Variants in PLOD1 observed in about 807,000 individuals in gnomAD.
The protein encoded by PLOD1 is procollagen-lysine,2-oxoglutarate 5-dioxygenase 1.
A neutral mutation model predicts 94.7 loss-of-function variants in PLOD1; 70 were observed. The observed-to-expected ratio is 0.74, with a 90% CI of 0.61 to 0.90. The LOEUF (loss-of-function observed/expected upper bound fraction) is 0.90. Ranked by LOEUF, PLOD1 falls within the 40% of genes least tolerant of loss-of-function variation. The pLI, the probability that PLOD1 is intolerant of heterozygous loss-of-function variation, is 0.00. For synonymous variants in PLOD1, 417 were observed against 400.2 expected (o/e 1.04, Z -0.50); for missense variants, 905 against 972.7 (o/e 0.93, Z 0.93).
intron 1 of PLOD1, among the ~76,000 whole-genome samples, chr1:11,942,329 C>T (rs1189391988): frequency 2.6e-5 from 4 of 152,156 alleles, no homozygotes; most frequent in African/African-American, 9.7e-5. Flanking sequence ...TACAGTGTGT[C>T]TTGGTCATGC....
intron 14 of PLOD1, 46 bp from the exon 15 acceptor site, chr1:11,966,205 G>T: frequency 7.0e-7 from 1 of 1,430,570 alleles, no homozygotes; most frequent in Non-Finnish European, 9.8e-7. Context: ...ATCCCTGGCA[G>T]TTGAGCCAAT....
chr1:11,942,127 C>G (rs1173400277), intron 1 of PLOD1, among the ~76,000 whole-genome samples: 3 of 151,304 alleles, frequency 2.0e-5, no homozygotes, highest in African/African-American at 7.3e-5. Flanking sequence ...GGACTACAGG[C>G]TCTTGCCACC....
At chr1:11,967,299 C>A (rs2100761074) in intron 16 of PLOD1, among the ~76,000 whole-genome samples, 2 of 152,192 alleles carry the variant, frequency 1.3e-5, no homozygotes, top group Middle Eastern at 6.8e-3. Context: ...GCTGTTGCCA[C>A]CGTGTGGCTT....
intron 1 of PLOD1, 135 bp from the exon 2 acceptor site, chr1:11,947,841 T>C (rs1345678459): frequency 2.2e-5 from 15 of 694,322 alleles, no homozygotes; most frequent in African/African-American, 2.1e-4. Context: ...CTTTCTTCCC[T>C]GGGCCCTGTT....
At chr1:11,956,562 T>A (rs1244450214) in intron 6 of PLOD1, among the ~76,000 whole-genome samples, 1 of 152,108 alleles carries the variant, frequency 6.6e-6, no homozygotes, top group Non-Finnish European at 1.5e-5. Context: ...AGACCCTTTC[T>A]CTTGGGGCTT....
Position 11,968,655 on chromosome 1 carries a change from A to C in PLOD1, c.1755+1564A>C, listed in dbSNP as rs373118089. ...CAGCCTCCCGAGTAGCTGGGATTAC[A>C]GGCGCCTGCCACCATGCCCGACTAA... On this transcript the variant is annotated intron_variant, in intron 16 of 18. Coordinates refer to ENST00000196061, the MANE Select transcript of PLOD1 (RefSeq NM_000302.4). Among the ~76,000 whole-genome samples the C allele has an allele frequency of 2.2e-4, 34 of 151,290 alleles. 1 individual carries two copies. Among genetic ancestry groups the C allele is most frequent in the Admixed American group, 9.9e-4 (15 of 15,114 alleles).
intron 13 of PLOD1, among the ~76,000 whole-genome samples, 183 bp downstream of exon 13, chr1:11,964,968 GGGCT>G (rs1443158160): frequency 6.6e-6 from 1 of 152,192 alleles, no homozygotes; most frequent in Non-Finnish European, 1.5e-5. Context: ...TCGGGCACGA[GGGCT>G]GGTCCTCAGG....
chr1:11,954,449 G>A, intron 5 of PLOD1: 1 of 472,984 alleles, frequency 2.1e-6, no homozygotes, highest in Non-Finnish European at 4.4e-6. Context: ...TCGTGCCATT[G>A]CACTCCAGCC....
rs1434924385 is a variant in PLOD1, at chr1:11,972,994, C to T, written c.2025C>T (p.Tyr675=). 29 of 1,613,736 alleles carry T rather than the reference C, an allele frequency of 1.8e-5. No homozygotes were observed. The highest frequency in any genetic ancestry group is 4.4e-5 in the South Asian group (4 of 91,086). ...NIALNRVGVD[Y]EGGGCRFLRY... is the part of the protein sequence containing the mutation. Reference sequence around the variant, plus strand: ...CCCTGAACCGAGTCGGGGTGGATTACGAGGTGAGCAGGAGCCAGCCGGGGT... The same window carrying T: ...CCCTGAACCGAGTCGGGGTGGATTATGAGGTGAGCAGGAGCCAGCCGGGGT... The change falls in exon 18 of 19, where the codon TAC becomes TAT. Residue 675 remains tyrosine, a synonymous_variant. Coordinates refer to ENST00000196061, the MANE Select transcript of PLOD1 (RefSeq NM_000302.4). This position sits in a 1 kb window ranked among gnomAD's most constrained non-coding sequence, Gnocchi z 4.6.
At chr1:11,962,205 C>T (rs1289669739) in intron 10 of PLOD1, among the ~76,000 whole-genome samples, 5 of 151,840 alleles carry the variant, frequency 3.3e-5, no homozygotes, top group African/African-American at 9.7e-5. Context: ...GCTGGGATTA[C>T]AGGCATGAGC....
At chr1:11,971,163 TTGG>T (rs1645860918) in intron 17 of PLOD1, among the ~76,000 whole-genome samples, 1 of 52,570 alleles carries the variant, frequency 1.9e-5, no homozygotes, top group African/African-American at 8.0e-5. Context: ...GGGGCAGGAG[TTGG>T]TGGGGAGGTC....
chr1:11,956,061 T>G (rs1645735666), intron 6 of PLOD1, among the ~76,000 whole-genome samples: 1 of 151,308 alleles, frequency 6.6e-6, no homozygotes, highest in Non-Finnish European at 1.5e-5. Flanking sequence ...CGTGCCCAGC[T>G]GAAATACCCA....
Position 11,934,804 on chromosome 1 carries a change from C to T in PLOD1, c.25C>T (p.Leu9=), listed in dbSNP as rs1645566495. The T allele has an allele frequency of 1.3e-6, 2 of 1,540,880 alleles. No homozygotes were observed. Among genetic ancestry groups the T allele is most frequent in the Admixed American group, 2.0e-5 (1 of 50,902 alleles). ...CATGCGGCCCCTGCTGCTACTGGCCCTGCTGGGCTGGCTGCTGCTGGCCGA... is the reference window on the plus strand; with the variant it reads ...CATGCGGCCCCTGCTGCTACTGGCCTTGCTGGGCTGGCTGCTGCTGGCCGA... MRPLLLLA[L]LGWLLLAEAK... Residue 9 remains leucine (L), a synonymous_variant, in exon 1 of 19, where the codon CTG becomes TTG. Coordinates refer to ENST00000196061, the MANE Select transcript of PLOD1 (RefSeq NM_000302.4).
chr1:11,943,788 C>A (rs919216186), intron 1 of PLOD1, among the ~76,000 whole-genome samples: 2 of 152,230 alleles, frequency 1.3e-5, no homozygotes, highest in African/African-American at 4.8e-5. Context: ...CTGGGCAGTG[C>A]ATGCATTTAG....
chr1:11,952,823 C>T, intron 5 of PLOD1, 88 bp downstream of exon 5: 1 of 943,098 alleles, frequency 1.1e-6, no homozygotes, highest in East Asian at 2.5e-5. Context: ...GCCTGAACCC[C>T]TGGGTTGGTG....
chr1:11,975,131 G>T lies in PLOD1; in HGVS notation c.*323G>T, dbSNP rs1645895181. 2.4e-6 allele frequency: 1 copy of T among 422,334 alleles called. No homozygotes were observed. The highest frequency in any genetic ancestry group is 4.4e-6 in the Non-Finnish European group (1 of 225,680). The allele number at this position is 422,334 out of a possible 1,614,324, so 26.2% of individuals were successfully genotyped here. Reference sequence around the variant, plus strand: ...CCCCTTCCCCCACCTCTTCCATGGGGTGAGACTTGAGCAGAACAGGGGCTT... The same window carrying T: ...CCCCTTCCCCCACCTCTTCCATGGGTTGAGACTTGAGCAGAACAGGGGCTT... On this transcript the variant is annotated 3_prime_UTR_variant, in exon 19 of 19. Coordinates refer to ENST00000196061, the MANE Select transcript of PLOD1 (RefSeq NM_000302.4).
intron 9 of PLOD1, among the ~76,000 whole-genome samples, chr1:11,959,445 C>CT (rs147497113): frequency 0.28 from 37,857 of 136,102 alleles, 6,112 homozygotes; most frequent in South Asian, 0.45. Flanking sequence ...GTTTTCTTTT[C>CT]TTTTTTTTTT....
At chr1:11,950,626 C>T in intron 4 of PLOD1, 106 bp downstream of exon 4, 2 of 978,302 alleles carry the variant, frequency 2.0e-6, no homozygotes, top group Non-Finnish European at 3.2e-6. Flanking sequence ...TCACAGGTCT[C>T]CAGTGCAGAA....
At chr1:11,969,815 A>G (rs1171634718) in intron 16 of PLOD1, among the ~76,000 whole-genome samples, 1 of 152,190 alleles carries the variant, frequency 6.6e-6, no homozygotes, top group Admixed American at 6.5e-5. Flanking sequence ...TCTCTTCAGT[A>G]TCCTCCTTTA....
Sources: gnomAD v4.1 joint callset for allele counts (sites outside exome capture counted in the v4.1 genomes callset) on GRCh38, gnomAD v4.1.1 for gene constraint, Gnocchi (gnomAD v3.1) non-coding constraint, MANE v1.5 for transcripts, NCBI Gene and HGNC (gene_info 2026-07-23, HGNC 2026-07-21) for gene names.